ARHGAP42: variants seen among roughly 807,000 people sequenced by gnomAD.
ARHGAP42 encodes the protein rho GTPase-activating protein 42.
A neutral mutation model predicts 125.0 loss-of-function variants in ARHGAP42; 63 were observed. The observed-to-expected ratio is 0.50, with a 90% CI of 0.41 to 0.62. ARHGAP42 has a LOEUF of 0.62. Among genes scored for constraint, ARHGAP42 ranks in the 20% least tolerant of loss-of-function variants. The probability of loss-of-function intolerance (pLI) is 0.00; values close to 1 mark genes in which losing one functional copy is unlikely to be tolerated. For synonymous variants in ARHGAP42, 339 were observed against 351.0 expected (o/e 0.97, Z 0.38); for missense variants, 766 against 1,024.2 (o/e 0.75, Z 3.44).
At chr11:100,862,777 T>A (rs1865474107) in intron 4 of ARHGAP42, among the ~76,000 whole-genome samples, 1 of 152,052 alleles carries the variant, frequency 6.6e-6, no homozygotes, top group Admixed American at 6.5e-5. Flanking sequence ...ATGCCGGTAA[T>A]CCTAGCACTT....
At chr11:100,918,394 A>T (rs144010456) in intron 5 of ARHGAP42, among the ~76,000 whole-genome samples, 135 of 152,300 alleles carry the variant, frequency 8.9e-4, no homozygotes, top group African/African-American at 3.2e-3. Flanking sequence ...CTATCTGCAG[A>T]ACCATATGGT....
At chr11:100,804,671 C>T (rs1335380170) in intron 3 of ARHGAP42, among the ~76,000 whole-genome samples, 1 of 151,650 alleles carries the variant, frequency 6.6e-6, no homozygotes, top group Non-Finnish European at 1.5e-5. Flanking sequence ...TGTCACCATG[C>T]CCAGCTAATT....
chr11:100,860,533 G>A (rs1565246316), intron 4 of ARHGAP42, among the ~76,000 whole-genome samples: 1 of 151,968 alleles, frequency 6.6e-6, no homozygotes, highest in Non-Finnish European at 1.5e-5. Flanking sequence ...CCACCAGCAG[G>A]CACAGTTTTC....
intron 9 of ARHGAP42, among the ~76,000 whole-genome samples, chr11:100,942,900 T>C (rs1031966693): frequency 2.0e-5 from 3 of 152,128 alleles, no homozygotes; most frequent in African/African-American, 7.2e-5. Context: ...ATCCAACTTA[T>C]GTGACAGTGA....
At chr11:100,827,563 G>C (rs539170851) in intron 3 of ARHGAP42, among the ~76,000 whole-genome samples, 4 of 152,186 alleles carry the variant, frequency 2.6e-5, no homozygotes, top group Admixed American at 6.5e-5. Context: ...TTTTCTACAA[G>C]GGTAATGCCA....
chr11:100,926,495 A>T (rs1423965506), intron 6 of ARHGAP42, among the ~76,000 whole-genome samples: 3 of 152,236 alleles, frequency 2.0e-5, no homozygotes, highest in Non-Finnish European at 4.4e-5. Flanking sequence ...TTAATTCCTT[A>T]AAATTAGAAG....
At chr11:100,859,149 T>G (rs1865388374) in intron 3 of ARHGAP42, among the ~76,000 whole-genome samples, 1 of 152,092 alleles carries the variant, frequency 6.6e-6, no homozygotes, top group African/African-American at 2.4e-5. Flanking sequence ...AATTCTACCA[T>G]TCTAATGGAA....
chr11:100,892,195 A>T (rs1866235517), intron 4 of ARHGAP42, among the ~76,000 whole-genome samples: 1 of 152,196 alleles, frequency 6.6e-6, no homozygotes, highest in Non-Finnish European at 1.5e-5. Flanking sequence ...CTGTATTTTA[A>T]ATTAATTATT....
chr11:100,768,069 G>T (rs772843718), intron 1 of ARHGAP42, among the ~76,000 whole-genome samples: 1 of 152,176 alleles, frequency 6.6e-6, no homozygotes, highest in Middle Eastern at 3.4e-3. Context: ...CATGAATGTC[G>T]GGGCTGCCAC....
intron 3 of ARHGAP42, among the ~76,000 whole-genome samples, chr11:100,800,712 C>T (rs1451841955): frequency 1.3e-5 from 2 of 152,116 alleles, no homozygotes; most frequent in South Asian, 4.1e-4. Context: ...TGAAATCATA[C>T]TGTGGGTTTT....
intron 1 of ARHGAP42, among the ~76,000 whole-genome samples, chr11:100,713,949 T>C (rs1307305653): frequency 6.6e-6 from 1 of 152,226 alleles, no homozygotes; most frequent in Non-Finnish European, 1.5e-5. Flanking sequence ...ACAAAATTGT[T>C]ATGCCACAAT....
At chr11:100,758,391 A>G (rs755025860) in intron 1 of ARHGAP42, among the ~76,000 whole-genome samples, 19 of 152,216 alleles carry the variant, frequency 1.2e-4, no homozygotes, top group Non-Finnish European at 1.9e-4. Flanking sequence ...GTATTGCATA[A>G]CTGTTATTAA....
At chr11:100,859,479 A>T (rs1865394716) in intron 3 of ARHGAP42, 75 bp from the exon 4 acceptor site, 1 of 1,282,466 alleles carries the variant, frequency 7.8e-7, no homozygotes, top group Non-Finnish European at 1.1e-6. Flanking sequence ...GATACATTGG[A>T]TAAAGTAGCC....
intron 21 of ARHGAP42, among the ~76,000 whole-genome samples, chr11:100,977,662 T>G (rs1319524976): frequency 6.6e-6 from 1 of 152,218 alleles, no homozygotes; most frequent in Non-Finnish European, 1.5e-5. Context: ...CCTAATGCTC[T>G]CTGAGCCATT....
At chr11:100,711,209 C>A (rs1861560229) in intron 1 of ARHGAP42, among the ~76,000 whole-genome samples, 1 of 152,202 alleles carries the variant, frequency 6.6e-6, no homozygotes, top group African/African-American at 2.4e-5. Flanking sequence ...CTTGACCTTG[C>A]TAACTGAAGC....
intron 1 of ARHGAP42, among the ~76,000 whole-genome samples, chr11:100,761,590 A>G (rs1448605774): frequency 2.0e-5 from 3 of 152,196 alleles, no homozygotes; most frequent in Middle Eastern, 3.4e-3. Context: ...CCTATTTGTT[A>G]TTTTTAGGCT....
intron 1 of ARHGAP42, among the ~76,000 whole-genome samples, chr11:100,688,549 C>T (rs1861130301): frequency 6.6e-6 from 1 of 152,076 alleles, no homozygotes; most frequent in African/African-American, 2.4e-5. Context: ...CCTCCTTTCC[C>T]ATACACCTCT....
In ARHGAP42 at chr11:100,949,920, T is replaced by G; in HGVS notation, c.1126T>G (p.Tyr376Asp). The change falls in exon 12 of 24, where the codon TAT (tyrosine) becomes GAT (aspartate). Residue 376 changes from tyrosine to aspartate, a missense_variant. Physicochemically the swap from Tyr to Asp is radical, Grantham distance 160. Transcript: ENST00000298815. ...ATGGACATCCTTTGTTTTTTAGATT[T>G]ATACTCTGCCTGCCATTATAAGCAA... Reference protein sequence around the residue: ...LEAMDGKEPIYTLPAIISKKE... With the variant: ...LEAMDGKEPIDTLPAIISKKE... 1 of 1,477,328 alleles carries G rather than the reference T, an allele frequency of 6.8e-7. No individual in the cohort carries two copies. The highest frequency in any genetic ancestry group is 9.2e-7 in the Non-Finnish European group (1 of 1,089,172). 91.5% of individuals were successfully genotyped at this position (1,477,328 alleles called of 1,614,324 possible).
chr11:100,774,030 A>G (rs1352276198), intron 2 of ARHGAP42, among the ~76,000 whole-genome samples: 1 of 152,234 alleles, frequency 6.6e-6, no homozygotes, highest in Non-Finnish European at 1.5e-5. Context: ...ATATTTCTGG[A>G]ACAACTCCTG....
Sources: gnomAD v4.1 joint callset for allele counts (sites outside exome capture counted in the v4.1 genomes callset) on GRCh38, gnomAD v4.1.1 for gene constraint, MANE v1.5 for transcripts, NCBI Gene and HGNC (gene_info 2026-07-23, HGNC 2026-07-21) for gene names.